The following EEPD1 variants were observed in gnomAD, a reference collection of about 807,000 sequenced individuals.
EEPD1 encodes the protein endonuclease/exonuclease/phosphatase family domain-containing protein 1.
Under a neutral mutation model 46.3 loss-of-function variants are expected in EEPD1, and 17 were observed. The ratio of observed to expected loss-of-function variants is 0.37; its 90% CI spans 0.25 to 0.55. The LOEUF is 0.55. Among genes scored for constraint, EEPD1 ranks in the 20% least tolerant of loss-of-function variants. The probability of loss-of-function intolerance (pLI) is 0.83; values close to 1 mark genes in which losing one functional copy is unlikely to be tolerated. For missense variants in EEPD1, 673 were observed against 745.6 expected (o/e 0.90, Z 1.13); for synonymous variants, 313 against 315.6 (o/e 0.99, Z 0.09).
Position 36,225,119 on chromosome 7 carries a change from C to T in EEPD1, c.879-13866C>T, listed in dbSNP as rs946837125. 6.6e-6 allele frequency among the ~76,000 whole-genome samples: 1 copy of T among 152,076 alleles called. No homozygotes were observed. The highest frequency in any genetic ancestry group is 6.5e-5 in the Admixed American group (1 of 15,268). On this transcript the variant is annotated intron_variant, in intron 2 of 7. Coordinates refer to ENST00000242108, the MANE Select transcript of EEPD1 (RefSeq NM_030636.3). The surrounding 1 kb of genome is among the most constrained non-coding windows in gnomAD (Gnocchi z 4.2). Reference sequence around the variant, plus strand: ...GGCCATTCCGATAGCTTGATTTCAGCCCAGTGAGCCTGAGACTTCTGGCCT... The same window carrying T: ...GGCCATTCCGATAGCTTGATTTCAGTCCAGTGAGCCTGAGACTTCTGGCCT...
At chr7:36,205,803 C>A (rs1202329429) in intron 2 of EEPD1, among the ~76,000 whole-genome samples, 1 of 152,150 alleles carries the variant, frequency 6.6e-6, no homozygotes. Flanking sequence ...AGTGTGACTG[C>A]CTCAGCAAAG....
chr7:36,295,295 C>T (rs376703665), intron 6 of EEPD1, among the ~76,000 whole-genome samples: 15 of 152,178 alleles, frequency 9.9e-5, no homozygotes, highest in East Asian at 9.6e-4. Flanking sequence ...GTCAAAAGGA[C>T]GCATGAGCCA....
chr7:36,230,409 A>G (rs905876190), intron 2 of EEPD1, among the ~76,000 whole-genome samples: 2 of 152,084 alleles, frequency 1.3e-5, no homozygotes, highest in Non-Finnish European at 2.9e-5. Context: ...AGACCCTCTG[A>G]GCAGGGCCAG....
intron 2 of EEPD1, among the ~76,000 whole-genome samples, chr7:36,223,023 T>G (rs979248944): frequency 2.0e-5 from 3 of 151,682 alleles, no homozygotes; most frequent in Non-Finnish European, 4.4e-5. Context: ...TGGTGGCGGG[T>G]GCCTGTAATC....
rs1035029822 is a variant in EEPD1 at position 36,255,147 on chromosome 7, TC to T, written c.930+16114del. On this transcript the variant is annotated intron_variant, in intron 3 of 7. Transcript: ENST00000242108. ...GCAGAAGCTCTTTAGTTTAATTAGA[TC>T]CCGTTTGTCAATTTTGGCTTTTGTT... 7.2e-5 allele frequency among the ~76,000 whole-genome samples: 11 copies of T among 152,218 alleles called. 1 individual carries two copies. Among genetic ancestry groups the T allele is most frequent in the Admixed American group, 4.6e-4 (7 of 15,278 alleles).
chr7:36,286,047 T>A (rs1377702326), intron 5 of EEPD1, among the ~76,000 whole-genome samples: 1 of 152,114 alleles, frequency 6.6e-6, no homozygotes, highest in Admixed American at 6.5e-5. Context: ...CCCTGGGCCC[T>A]TTTTTTATGT....
intron 4 of EEPD1, among the ~76,000 whole-genome samples, chr7:36,284,339 T>C (rs1787307106): frequency 1.3e-5 from 2 of 152,224 alleles, no homozygotes; most frequent in African/African-American, 4.8e-5. Flanking sequence ...TGAGCAGCAG[T>C]GTCCTCATCT....
intron 3 of EEPD1, among the ~76,000 whole-genome samples, chr7:36,258,798 GC>G (rs1336801475): frequency 6.6e-6 from 1 of 151,640 alleles, no homozygotes; most frequent in Non-Finnish European, 1.5e-5. Flanking sequence ...CCCCTTGGCT[GC>G]CTGGCTTCAG....
chr7:36,274,526 A>G (rs895199197), intron 3 of EEPD1, among the ~76,000 whole-genome samples: 1 of 152,200 alleles, frequency 6.6e-6, no homozygotes. Context: ...TTGTGTTCTC[A>G]CTTTTCTCAT....
intron 3 of EEPD1, among the ~76,000 whole-genome samples, chr7:36,251,058 C>A (rs1786730465): frequency 1.3e-5 from 2 of 152,198 alleles, no homozygotes; most frequent in South Asian, 4.1e-4. Flanking sequence ...GGCACAGAAA[C>A]AACATCCCAT....
intron 2 of EEPD1, among the ~76,000 whole-genome samples, chr7:36,186,220 G>T (rs941171991): frequency 2.0e-5 from 3 of 152,016 alleles, no homozygotes; most frequent in African/African-American, 7.3e-5. Context: ...CTGGGTAGTG[G>T]CACAATGCTT....
At chr7:36,221,063 C>T (rs759545253) in intron 2 of EEPD1, among the ~76,000 whole-genome samples, 47 of 152,206 alleles carry the variant, frequency 3.1e-4, no homozygotes, top group Non-Finnish European at 4.9e-4. Context: ...CCTGCCTCAG[C>T]GTCCCAAAGT....
chr7:36,194,440 GT>G (rs975251142), intron 2 of EEPD1, among the ~76,000 whole-genome samples: 84 of 152,282 alleles, frequency 5.5e-4, no homozygotes, highest in African/African-American at 2.0e-3. Context: ...AGATGAGTGT[GT>G]TTCCTTTTAA....
intron 2 of EEPD1, among the ~76,000 whole-genome samples, chr7:36,194,143 A>G (rs989489785): frequency 1.3e-5 from 2 of 152,190 alleles, no homozygotes; most frequent in Non-Finnish European, 2.9e-5. Flanking sequence ...GGTGAAGAGG[A>G]TGTGGGTGTC....
At chr7:36,239,736 G>C (rs1786523447) in intron 3 of EEPD1, among the ~76,000 whole-genome samples, 1 of 152,064 alleles carries the variant, frequency 6.6e-6, no homozygotes, top group Non-Finnish European at 1.5e-5. Context: ...GGTGGGGTGG[G>C]CTCCACAAAA....
At chr7:36,266,125 A>G (rs1787012033) in intron 3 of EEPD1, among the ~76,000 whole-genome samples, 1 of 152,170 alleles carries the variant, frequency 6.6e-6, no homozygotes, top group Non-Finnish European at 1.5e-5. Context: ...CCCCTTTCCT[A>G]GACTCTCACA....
At chr7:36,174,819 C>T (rs898206995) in intron 2 of EEPD1, among the ~76,000 whole-genome samples, 1 of 152,192 alleles carries the variant, frequency 6.6e-6, no homozygotes, top group African/African-American at 2.4e-5. Context: ...TAGCAGTCAA[C>T]TAATCAGTAA....
At chr7:36,254,903 T>G (rs1406445710) in intron 3 of EEPD1, among the ~76,000 whole-genome samples, 5 of 152,250 alleles carry the variant, frequency 3.3e-5, no homozygotes, top group Admixed American at 2.0e-4. Context: ...ATGAGCTTTT[T>G]TTCATATGTT....
chr7:36,275,711 C>T (rs1160468422), intron 3 of EEPD1, among the ~76,000 whole-genome samples: 3 of 152,204 alleles, frequency 2.0e-5, no homozygotes, highest in Non-Finnish European at 4.4e-5. Flanking sequence ...CCACCCGCTT[C>T]GCCCTTCCAA....
Sources: allele counts gnomAD v4.1 joint callset (sites outside exome capture counted in the v4.1 genomes callset), GRCh38; gene constraint gnomAD v4.1.1; non-coding constraint Gnocchi (gnomAD v3.1); transcripts MANE v1.5; gene names NCBI Gene and HGNC (gene_info 2026-07-23, HGNC 2026-07-21).